Variants in CEP63 observed in about 807,000 individuals in gnomAD.
CEP63 encodes centrosomal protein 63.
CEP63 carries 84 observed loss-of-function variants against 89.1 expected under a neutral mutation model. The ratio of observed to expected loss-of-function variants is 0.94; its 90% CI spans 0.79 to 1.13. CEP63 has a LOEUF of 1.13. Among genes scored for constraint, CEP63 ranks in the 50% most tolerant of loss-of-function variants. CEP63 has a pLI of 0.00. For missense variants in CEP63, 838 were observed against 813.3 expected (o/e 1.03, Z -0.37); for synonymous variants, 267 against 272.5 (o/e 0.98, Z 0.20).
intron 3 of CEP63, among the ~76,000 whole-genome samples, chr3:134,529,936 C>T (rs575587291): frequency 8.4e-5 from 12 of 143,678 alleles, no homozygotes; most frequent in African/African-American, 2.3e-4. Context: ...TGCAGTGGCA[C>T]GATCTGGGCT....
chr3:134,649,530 T>C, the CEP63 span, among the ~76,000 whole-genome samples: 2 of 152,208 alleles, frequency 1.3e-5, no homozygotes, highest in Non-Finnish European at 2.9e-5. Context: ...TGCCCTCTGT[T>C]GACTTTCTAA....
the CEP63 span, among the ~76,000 whole-genome samples, chr3:134,700,269 C>T: frequency 2.9e-3 from 437 of 152,354 alleles, 3 homozygotes; most frequent in African/African-American, 0.01. Flanking sequence ...GCCGCGCTGG[C>T]CCTGGCGCTC....
At chr3:134,713,448 A>G in the CEP63 span, among the ~76,000 whole-genome samples, 1 of 152,186 alleles carries the variant, frequency 6.6e-6, no homozygotes, top group Admixed American at 6.5e-5. Flanking sequence ...TGATGCCAGG[A>G]ATGTTGGCTG....
chr3:134,603,344 C>G, the CEP63 span: 1 of 456,900 alleles, frequency 2.2e-6, no homozygotes, highest in East Asian at 3.4e-5. Context: ...TTACATAGCA[C>G]CTTTTCCTTC....
the CEP63 span, among the ~76,000 whole-genome samples, chr3:134,688,273 A>G: frequency 6.4e-4 from 98 of 152,368 alleles, no homozygotes; most frequent in African/African-American, 2.1e-3. Context: ...TATAATATGG[A>G]TGGAATTTTA....
the CEP63 span, among the ~76,000 whole-genome samples, chr3:134,669,065 C>T: frequency 6.6e-6 from 1 of 152,048 alleles, no homozygotes; most frequent in African/African-American, 2.4e-5. Flanking sequence ...TTACCTGAGC[C>T]TGGCTGGAAT....
At chr3:134,651,138 T>G in the CEP63 span, 1 of 1,470,758 alleles carries the variant, frequency 6.8e-7, no homozygotes, top group Non-Finnish European at 9.0e-7. Context: ...AACACGCCAT[T>G]AGGGCCCGCC....
chr3:134,515,041 C>T (rs374999878), intron 3 of CEP63, among the ~76,000 whole-genome samples: 1 of 152,022 alleles, frequency 6.6e-6, no homozygotes, highest in Admixed American at 6.5e-5. Context: ...TTGAGTTTAA[C>T]GTATATGTAA....
chr3:134,584,488 T>G (rs1385100170), intron 10 of CEP63, among the ~76,000 whole-genome samples: 1 of 152,234 alleles, frequency 6.6e-6, no homozygotes, highest in African/African-American at 2.4e-5. Context: ...TTTGTTGATT[T>G]GCATATGTTG....
At chr3:134,696,975 A>G in the CEP63 span, among the ~76,000 whole-genome samples, 4 of 152,346 alleles carry the variant, frequency 2.6e-5, no homozygotes, top group African/African-American at 9.6e-5. Flanking sequence ...CATGGAAGTA[A>G]AACTATGAAC....
At chr3:134,502,649 A>G (rs576524773) in intron 2 of CEP63, among the ~76,000 whole-genome samples, 13 of 152,076 alleles carry the variant, frequency 8.5e-5, no homozygotes, top group South Asian at 2.1e-4. Context: ...TTGTACTTCT[A>G]TGGGATTGGT....
At chr3:134,501,544 ACCTC>A (rs1218962724) in intron 2 of CEP63, among the ~76,000 whole-genome samples, 1 of 148,236 alleles carries the variant, frequency 6.7e-6, no homozygotes, top group Non-Finnish European at 1.5e-5. Context: ...GAGGTTTTTC[ACCTC>A]TGTAGTTAGA....
intron 6 of CEP63, among the ~76,000 whole-genome samples, chr3:134,544,643 G>GGC (rs776729229): frequency 1.6e-4 from 23 of 147,962 alleles, no homozygotes; most frequent in East Asian, 1.0e-3. Flanking sequence ...AGGTGGGGGG[G>GGC]GGAATTTAAA....
the CEP63 span, among the ~76,000 whole-genome samples, chr3:134,721,145 A>G: frequency 2.0e-5 from 3 of 152,068 alleles, no homozygotes; most frequent in Admixed American, 2.0e-4. Flanking sequence ...TAATTTTTTC[A>G]CCAATACTTT....
chr3:134,601,542 G>A, the CEP63 span, among the ~76,000 whole-genome samples: 1 of 152,236 alleles, frequency 6.6e-6, no homozygotes, highest in Non-Finnish European at 1.5e-5. Flanking sequence ...CAAGACGGCT[G>A]TTTTCAGGGT....
At chr3:134,745,881 A>C in the CEP63 span, among the ~76,000 whole-genome samples, 1 of 149,866 alleles carries the variant, frequency 6.7e-6, no homozygotes, top group Admixed American at 6.7e-5. Context: ...TTATGGCTGC[A>C]TAGTATTCCA....
In CEP63 at chr3:134,528,658, G is replaced by C. The variant is rs550867330; in HGVS notation, c.223-3187G>C. Among the ~76,000 whole-genome samples the C allele has an allele frequency of 2.6e-5, 4 of 152,046 alleles. No individual in the cohort carries two copies. The East Asian group carries it at 7.7e-4, about 29-fold the overall frequency. ...TTAGGAGTAATGGCTGTTACATACTGATGTGCTTGATGTGCTTTGTCTTTA... is the reference window on the plus strand; with the variant it reads ...TTAGGAGTAATGGCTGTTACATACTCATGTGCTTGATGTGCTTTGTCTTTA... On this transcript the variant is annotated intron_variant, in intron 3 of 14. Transcript: ENST00000675561.
the CEP63 span, among the ~76,000 whole-genome samples, chr3:134,721,753 A>G: frequency 6.6e-6 from 1 of 152,028 alleles, no homozygotes; most frequent in African/African-American, 2.4e-5. Flanking sequence ...CCTTTATTTT[A>G]TTAATGTGAT....
At chr3:134,644,483 G>A in the CEP63 span, among the ~76,000 whole-genome samples, 2 of 152,154 alleles carry the variant, frequency 1.3e-5, no homozygotes, top group Non-Finnish European at 2.9e-5. Context: ...TCAGAGGGGT[G>A]GGGGGAAGGC....
Sources: gnomAD v4.1 joint callset for allele counts (sites outside exome capture counted in the v4.1 genomes callset) on GRCh38, gnomAD v4.1.1 for gene constraint, MANE v1.5 for transcripts, NCBI Gene and HGNC (gene_info 2026-07-23, HGNC 2026-07-21) for gene names.